The following AFF3 variants were observed in gnomAD, a reference collection of about 807,000 sequenced individuals.
AFF3 encodes AF4/FMR2 family member 3.
A neutral mutation model predicts 129.7 loss-of-function variants in AFF3; 32 were observed. The observed-to-expected ratio is 0.25, with a 90% CI of 0.19 to 0.33. AFF3 has a LOEUF of 0.33. Among genes scored for constraint, AFF3 ranks in the 10% least tolerant of loss-of-function variants. AFF3 has a pLI of 1.00. For missense variants in AFF3, 1,373 were observed against 1,592.0 expected (o/e 0.86, Z 2.34); for synonymous variants, 644 against 635.4 (o/e 1.01, Z -0.20).
intron 13 of AFF3, among the ~76,000 whole-genome samples, chr2:99,625,428 A>C (rs1682446684): frequency 6.6e-6 from 1 of 152,170 alleles, no homozygotes; most frequent in Non-Finnish European, 1.5e-5. Context: ...TCCATCCAAC[A>C]TAAAGATGTG....
At chr2:100,052,437 G>C (rs1454359112) in intron 4 of AFF3, among the ~76,000 whole-genome samples, 1 of 152,066 alleles carries the variant, frequency 6.6e-6, no homozygotes, top group Non-Finnish European at 1.5e-5. Context: ...TTGGGACCCA[G>C]GGCCATGACC....
At chr2:100,080,264 T>C (rs1345647127) in intron 4 of AFF3, among the ~76,000 whole-genome samples, 2 of 152,190 alleles carry the variant, frequency 1.3e-5, no homozygotes, top group Non-Finnish European at 2.9e-5. Context: ...TAGGTTATTA[T>C]GAGGACTAGA....
chr2:99,643,340 G>A (rs1684394322), intron 13 of AFF3, among the ~76,000 whole-genome samples: 1 of 152,154 alleles, frequency 6.6e-6, no homozygotes, highest in Admixed American at 6.5e-5. Flanking sequence ...TTACAGGCAT[G>A]AGCTACCGAG....
At chr2:99,956,985 CAG>C (rs543792456) in intron 7 of AFF3, among the ~76,000 whole-genome samples, 6 of 152,206 alleles carry the variant, frequency 3.9e-5, no homozygotes, top group Non-Finnish European at 7.3e-5. Flanking sequence ...GAAGATTCGG[CAG>C]AAACAGCTGA....
intron 8 of AFF3, among the ~76,000 whole-genome samples, chr2:99,813,168 G>A (rs930574803): frequency 1.3e-5 from 2 of 152,146 alleles, no homozygotes; most frequent in Admixed American, 6.5e-5. Flanking sequence ...CACATGACAG[G>A]GTTGCAGGCA....
intron 10 of AFF3, among the ~76,000 whole-genome samples, chr2:99,740,157 G>T (rs1466656004): frequency 6.6e-6 from 1 of 151,070 alleles, no homozygotes; most frequent in Non-Finnish European, 1.5e-5. Flanking sequence ...ATTTTTTATG[G>T]CTGCATAGTA....
At chr2:100,088,176 C>T (rs1158529491) in intron 4 of AFF3, among the ~76,000 whole-genome samples, 21 of 147,486 alleles carry the variant, frequency 1.4e-4, no homozygotes, top group African/African-American at 3.8e-4. Context: ...CCAGGCCAAT[C>T]GGGCAAGAAA....
chr2:99,821,477 A>G (rs1444303856), intron 8 of AFF3, among the ~76,000 whole-genome samples: 3 of 26,072 alleles, frequency 1.2e-4, no homozygotes, highest in Admixed American at 3.7e-4. Context: ...GCTAAAAAAA[A>G]GAAAAAAAGA....
chr2:100,068,926 T>C (rs1335068784), intron 4 of AFF3, among the ~76,000 whole-genome samples: 1 of 152,160 alleles, frequency 6.6e-6, no homozygotes, highest in African/African-American at 2.4e-5. Flanking sequence ...TGGGTATTTT[T>C]TTCTCCTTAG....
chr2:99,610,529 G>A (rs530659392), intron 13 of AFF3, among the ~76,000 whole-genome samples: 19 of 152,126 alleles, frequency 1.2e-4, no homozygotes, highest in East Asian at 7.7e-4. Context: ...TTTTATTGCC[G>A]GGTAGGATTC....
intron 4 of AFF3, among the ~76,000 whole-genome samples, chr2:100,085,131 A>T (rs1420023947): frequency 4.0e-5 from 6 of 149,330 alleles, no homozygotes; most frequent in Non-Finnish European, 8.9e-5. Flanking sequence ...TGTCGAATAT[A>T]ATCAATTTGG....
chr2:99,965,029 C>T (rs145501699), intron 7 of AFF3, among the ~76,000 whole-genome samples: 3 of 152,278 alleles, frequency 2.0e-5, no homozygotes, highest in East Asian at 3.9e-4. Flanking sequence ...AGAAGACTGA[C>T]AGTGTCGTGG....
chr2:100,052,471 A>T (rs1686418577), intron 4 of AFF3, among the ~76,000 whole-genome samples: 1 of 152,044 alleles, frequency 6.6e-6, no homozygotes, highest in Non-Finnish European at 1.5e-5. Flanking sequence ...ACCTACCTGG[A>T]GCTGACCATA....
chr2:99,671,302 G>A lies in AFF3; in HGVS notation c.1143+1236C>T, dbSNP rs141153713. ...TAAGATTGCTGTGTGGCAGATATCT[G>A]GCTGCCCTGGAAACAAATCAACAGA... is the stretch of plus-strand genomic sequence containing the variant. On this transcript the variant is annotated intron_variant, in intron 12 of 24. Coordinates refer to ENST00000672756, the MANE Select transcript of AFF3 (RefSeq NM_001386135.1). Among the ~76,000 whole-genome samples the A allele has an allele frequency of 2.2e-3, 342 of 152,294 alleles. 3 individuals carry two copies. The highest frequency in any genetic ancestry group is 7.9e-3 in the African/African-American group (329 of 41,564).
chr2:100,140,448 T>A (rs1364590628), intron 1 of AFF3, among the ~76,000 whole-genome samples: 1 of 152,204 alleles, frequency 6.6e-6, no homozygotes, highest in Non-Finnish European at 1.5e-5. Flanking sequence ...CTTTGTATTC[T>A]GGGTGTGATG....
chr2:99,638,980 A>G (rs1683934391), intron 13 of AFF3, among the ~76,000 whole-genome samples: 1 of 152,202 alleles, frequency 6.6e-6, no homozygotes, highest in Non-Finnish European at 1.5e-5. Context: ...ATTGACTTGA[A>G]TGGGTTAAAA....
intron 4 of AFF3, among the ~76,000 whole-genome samples, chr2:100,086,697 A>G (rs1485851948): frequency 6.6e-6 from 1 of 152,210 alleles, no homozygotes; most frequent in East Asian, 1.9e-4. Flanking sequence ...CTACTATTGA[A>G]AAAAGATGTT....
chr2:99,940,362 T>G (rs988659702), intron 7 of AFF3, among the ~76,000 whole-genome samples: 1 of 152,130 alleles, frequency 6.6e-6, no homozygotes, highest in Non-Finnish European at 1.5e-5. Flanking sequence ...AAAATGAGGC[T>G]GAAACCTACT....
chr2:99,664,443 T>C lies in AFF3; in HGVS notation c.1143+8095A>G, dbSNP rs564824306. On this transcript the variant is annotated intron_variant, in intron 12 of 24. Coordinates refer to ENST00000672756, the MANE Select transcript of AFF3 (RefSeq NM_001386135.1). ...GAAGACTTCTGTTTGAGATAACTTA[T>C]GAAAACTTGTAGTTTCAATATAGCT... is the stretch of plus-strand genomic sequence containing the variant. Among the ~76,000 whole-genome samples, 7 of 152,376 alleles carry C rather than the reference T, an allele frequency of 4.6e-5. No homozygotes were observed. The East Asian group carries it at 9.6e-4, about 21-fold the overall frequency.
Sources: gnomAD v4.1 joint callset for allele counts (sites outside exome capture counted in the v4.1 genomes callset) on GRCh38, gnomAD v4.1.1 for gene constraint, MANE v1.5 for transcripts, NCBI Gene and HGNC (gene_info 2026-07-23, HGNC 2026-07-21) for gene names.